Variants in KDM4C observed in about 807,000 individuals in gnomAD.
KDM4C encodes lysine demethylase 4C.
In KDM4C, 81 loss-of-function variants were observed where a neutral mutation model predicts 129.3. The ratio of observed to expected loss-of-function variants is 0.63; its 90% CI spans 0.52 to 0.75. The LOEUF (loss-of-function observed/expected upper bound fraction) is 0.75. Ranked by LOEUF, KDM4C falls within the 30% of genes least tolerant of loss-of-function variation. KDM4C has a pLI of 0.00. For synonymous variants in KDM4C, 573 were observed against 456.1 expected, an observed-to-expected ratio of 1.26 and a Z score of -3.26; for missense variants, 1,457 against 1,304.0, an observed-to-expected ratio of 1.12 and a Z score of -1.81.
chr9:6,890,513 TA>T, intron 7 of KDM4C, among the ~76,000 whole-genome samples: 1 of 152,344 alleles, frequency 6.6e-6, no homozygotes, highest in African/African-American at 2.4e-5. Flanking sequence ...TGTCTGCATT[TA>T]GATTATATCC....
rs34457968 is a variant in KDM4C, at chr9:6,780,768, C to CAAA, written c.-17-12180_-17-12178dup. Among the ~76,000 whole-genome samples the CAAA allele has an allele frequency of 1.6e-3, 51 of 32,152 alleles. 9 individuals carry two copies. The highest frequency in any genetic ancestry group is 6.5e-3 in the South Asian group (3 of 460). The allele number at this position is 32,152 out of a possible 152,430, so 21.1% of individuals were successfully genotyped here. A position where few individuals can be genotyped will look rare whatever the true frequency, so the allele number is the denominator to read the frequency against. On this transcript the variant is annotated intron_variant, in intron 1 of 21. Coordinates refer to ENST00000381309, the MANE Select transcript of KDM4C (RefSeq NM_015061.6). ...GGGCAACAAGAGTGAAACTCCCTCT[C>CAAA]AAAAAAAAAAAAAAAAAAAAAAAAA... is the stretch of plus-strand genomic sequence containing the variant.
At chr9:7,052,237 T>C (rs892396719) in intron 17 of KDM4C, among the ~76,000 whole-genome samples, 4 of 152,214 alleles carry the variant, frequency 2.6e-5, no homozygotes, top group East Asian at 1.9e-4. Flanking sequence ...TATATACTTA[T>C]TAATTATATA....
intron 5 of KDM4C, among the ~76,000 whole-genome samples, chr9:6,859,874 A>T (rs971914427): frequency 1.3e-5 from 2 of 152,130 alleles, no homozygotes; most frequent in Non-Finnish European, 2.9e-5. Flanking sequence ...CAAAAAAAAA[A>T]AAAAAAAGAC....
chr9:7,062,551 C>T lies in KDM4C; in HGVS notation c.2424+13351C>T, dbSNP rs532199033. Among the ~76,000 whole-genome samples the T allele has an allele frequency of 2.6e-5, 4 of 151,960 alleles. No homozygotes were observed. The East Asian group carries it at 7.8e-4, about 29-fold the overall frequency. On this transcript the variant is annotated intron_variant, in intron 17 of 21. Transcript: ENST00000381309. ...TACAGGTTTGCACTACTATTTCCAG[C>T]TAATTTTTTTTTTGTCAGGGTGGGG...
At chr9:6,868,685 G>A (rs554092919) in intron 5 of KDM4C, among the ~76,000 whole-genome samples, 1 of 152,078 alleles carries the variant, frequency 6.6e-6, no homozygotes, top group Non-Finnish European at 1.5e-5. Context: ...GTACAGACAC[G>A]ACCGTTTCCC....
intron 1 of KDM4C, among the ~76,000 whole-genome samples, chr9:6,763,154 C>T (rs905515676): frequency 1.3e-5 from 2 of 152,090 alleles, no homozygotes; most frequent in African/African-American, 2.4e-5. Flanking sequence ...AGCCTATCCC[C>T]CCTGCTCCTG....
chr9:7,001,029 C>T (rs901481634), intron 12 of KDM4C, among the ~76,000 whole-genome samples: 1 of 152,228 alleles, frequency 6.6e-6, no homozygotes, highest in East Asian at 1.9e-4. Context: ...AGTTAAGTAA[C>T]ATGTCCAAGA....
rs12682850 is a variant in KDM4C at position 6,962,427 on chromosome 9, T to C, written c.922-18498T>C. ...TCAGATGAGTTAAGGATAATTGCAA[T>C]TTTCAGCTTCTGAGATAATCACATA... On this transcript the variant is annotated intron_variant, in intron 8 of 21. Coordinates refer to ENST00000381309, the MANE Select transcript of KDM4C (RefSeq NM_015061.6). Among the ~76,000 whole-genome samples the C allele has an allele frequency of 6.6e-4, 101 of 152,342 alleles. 1 individual carries two copies. In the East Asian group the frequency reaches 0.018, roughly 26 times the overall value.
intron 8 of KDM4C, among the ~76,000 whole-genome samples, chr9:6,937,450 A>C (rs1201300805): frequency 6.6e-6 from 1 of 152,188 alleles, no homozygotes; most frequent in South Asian, 2.1e-4. Context: ...TGTTTTGGGC[A>C]TAATGCCAAG....
chr9:7,145,794 A>G (rs1283734781), intron 19 of KDM4C, among the ~76,000 whole-genome samples: 3 of 152,256 alleles, frequency 2.0e-5, no homozygotes, highest in Admixed American at 2.0e-4. Context: ...AGTCCCTGCT[A>G]AGTCTTCTCA....
intron 4 of KDM4C, among the ~76,000 whole-genome samples, chr9:6,841,944 A>G (rs1162796749): frequency 1.3e-5 from 2 of 152,090 alleles, no homozygotes; most frequent in Non-Finnish European, 2.9e-5. Context: ...AGTTTTCTTA[A>G]TTGCTCAGGC....
At chr9:6,955,595 A>G (rs1327895278) in intron 8 of KDM4C, among the ~76,000 whole-genome samples, 2 of 152,084 alleles carry the variant, frequency 1.3e-5, no homozygotes, top group Non-Finnish European at 2.9e-5. Context: ...GAAAAGGAAA[A>G]CGTGACCAGC....
chr9:6,986,410 A>G lies in KDM4C; in HGVS notation c.1421A>G (p.Tyr474Cys). Residue 474 changes from tyrosine to cysteine, a missense_variant, in exon 11 of 22, where the codon TAT (tyrosine) becomes TGT (cysteine). Transcript: ENST00000381309. ...ACTGAGGATGACAAAGCTTATGCAT[A>G]TAGAAGTGTACCTTCTATATCCAGT... ...IKTEDDKAYA[Y>C]RSVPSISSEA... 1 of 1,614,014 alleles carries G rather than the reference A, an allele frequency of 6.2e-7. No homozygotes were observed. The highest frequency in any genetic ancestry group is 8.5e-7 in the Non-Finnish European group (1 of 1,179,868).
intron 18 of KDM4C, among the ~76,000 whole-genome samples, chr9:7,109,555 G>A (rs1405600671): frequency 6.6e-6 from 1 of 152,198 alleles, no homozygotes; most frequent in Non-Finnish European, 1.5e-5. Context: ...GTGCCCCTTG[G>A]ATGTAAGACG....
chr9:6,732,183 A>C (rs4742252), intron 1 of KDM4C, among the ~76,000 whole-genome samples: 4 of 150,662 alleles, frequency 2.7e-5, no homozygotes, highest in Admixed American at 1.3e-4. Flanking sequence ...TGGCTAACAC[A>C]GTGAAACCCC....
chr9:7,045,798 T>C (rs1185477502), intron 15 of KDM4C, among the ~76,000 whole-genome samples: 1 of 152,086 alleles, frequency 6.6e-6, no homozygotes, highest in African/African-American at 2.4e-5. Flanking sequence ...ACAAAAGTTA[T>C]ACAGATACAT....
chr9:6,793,338 C>G (rs921980311), intron 2 of KDM4C, among the ~76,000 whole-genome samples: 1 of 150,924 alleles, frequency 6.6e-6, no homozygotes, highest in African/African-American at 2.4e-5. Flanking sequence ...AGGTTGTCTT[C>G]TAAGGCTTAA....
intron 18 of KDM4C, among the ~76,000 whole-genome samples, chr9:7,114,780 A>C (rs1163076232): frequency 6.6e-6 from 1 of 152,160 alleles, no homozygotes; most frequent in South Asian, 2.1e-4. Flanking sequence ...TAGCAGACCT[A>C]GACCCCACGG....
chr9:7,169,115 T>A (rs1383212853), intron 20 of KDM4C, among the ~76,000 whole-genome samples: 2 of 152,090 alleles, frequency 1.3e-5, no homozygotes, highest in East Asian at 3.9e-4. Flanking sequence ...ATTCTCCTTG[T>A]TACGTTGTCA....
Sources: allele counts gnomAD v4.1 joint callset (sites outside exome capture counted in the v4.1 genomes callset), GRCh38; gene constraint gnomAD v4.1.1; transcripts MANE v1.5; gene names NCBI Gene and HGNC (gene_info 2026-07-23, HGNC 2026-07-21).